FBXL8: variants seen among roughly 807,000 people sequenced by gnomAD.
FBXL8 encodes the protein F-box/LRR-repeat protein 8.
FBXL8 carries 13 observed loss-of-function variants against 8.2 expected under a neutral mutation model. That is an observed-to-expected ratio of 1.58 (90% CI 1.03 to 2.51). The LOEUF (loss-of-function observed/expected upper bound fraction) is 2.51. Ranked by LOEUF, FBXL8 falls within the 30% of genes most tolerant of loss-of-function variation. FBXL8 has a pLI of 0.00. For missense variants in FBXL8, 565 were observed against 540.4 expected (o/e 1.05, Z -0.45); for synonymous variants, 271 against 260.5 (o/e 1.04, Z -0.39).
intron 1 of FBXL8, among the ~76,000 whole-genome samples, chr16:67,161,403 A>T (rs551877136): frequency 6.6e-6 from 1 of 151,214 alleles, no homozygotes; most frequent in African/African-American, 2.4e-5. Flanking sequence ...TGATTGCGCC[A>T]CTGCACTCCA....
In FBXL8 at chr16:67,162,498, A is replaced by G. The variant is rs777355534; in HGVS notation, c.153-350A>G. The G allele has an allele frequency of 4.2e-4, 280 of 673,496 alleles. 1 individual carries two copies. Among genetic ancestry groups the G allele is most frequent in the Non-Finnish European group, 6.7e-4 (246 of 367,996 alleles). The allele number at this position is 673,496 out of a possible 1,614,324, so 41.7% of individuals were successfully genotyped here. A position where few individuals can be genotyped will look rare whatever the true frequency, so the allele number is the denominator to read the frequency against. ...TAGGAAACTGAGGCAAAGAGACTTAATCACTTCCCACGGGTCACTCAGCTA... is the reference window on the plus strand; with the variant it reads ...TAGGAAACTGAGGCAAAGAGACTTAGTCACTTCCCACGGGTCACTCAGCTA... On this transcript the variant is annotated intron_variant, in intron 2 of 2. Coordinates refer to ENST00000258200, the MANE Select transcript of FBXL8 (RefSeq NM_018378.3).
At chr16:67,162,527 A>G (rs920115225) in intron 2 of FBXL8, 1 of 696,702 alleles carries the variant, frequency 1.4e-6, no homozygotes, top group Non-Finnish European at 2.6e-6. Flanking sequence ...TCAGCTAGGG[A>G]ATGGCAGAGG....
In FBXL8 at chr16:67,163,837, C is replaced by A; in HGVS notation, c.*17C>A. On this transcript the variant is annotated 3_prime_UTR_variant, in exon 3 of 3. Transcript: ENST00000258200. ...GTGGCGTGATTGGGCGACTTCTCTC[C>A]CCCGTCCCCGTGGACGTAAGCGCTC... 6.5e-7 allele frequency: 1 copy of A among 1,530,752 alleles called. No individual in the cohort carries two copies. The highest frequency in any genetic ancestry group is 1.4e-5 in the African/African-American group (1 of 72,162). The allele number at this position is 1,530,752 out of a possible 1,614,324, so 94.8% of individuals were successfully genotyped here.
Position 67,163,051 on chromosome 16 carries a change from C to T in FBXL8, c.356C>T (p.Ala119Val). Residue 119 changes from alanine to valine, a missense_variant, in exon 3 of 3, where the codon GCG (alanine) becomes GTG (valine). Ala to Val is a moderately conservative substitution (Grantham distance 64). Transcript: ENST00000258200. Reference protein sequence around the residue: ...ECRGEKPLFDAGRDVLEAVHA... With the variant: ...ECRGEKPLFDVGRDVLEAVHA... ...CGCGGAGAAAAACCGCTCTTCGACG[C>T]GGGCCGCGACGTCCTGGAGGCTGTG... The T allele has an allele frequency of 6.4e-7, 1 of 1,569,752 alleles. No individual in the cohort carries two copies. The highest frequency in any genetic ancestry group is 1.2e-5 in the South Asian group (1 of 85,766).
intron 2 of FBXL8, 116 bp from the exon 3 acceptor site, chr16:67,162,732 G>A: frequency 3.6e-6 from 5 of 1,391,494 alleles, no homozygotes; most frequent in Non-Finnish European, 5.0e-6. Flanking sequence ...CAGAGACGTG[G>A]GGAGGGAGGC....
At chr16:67,160,180 C>T (rs2145911191) in intron 1 of FBXL8, 124 bp downstream of exon 1, 1 of 152,274 alleles carries the variant, frequency 6.6e-6, no homozygotes. Context: ...AGGGGGCGCC[C>T]CCTGGAGACC....
chr16:67,162,670 TA>T, intron 2 of FBXL8, 177 bp from the exon 3 acceptor site: 2 of 855,160 alleles, frequency 2.3e-6, no homozygotes, highest in Non-Finnish European at 3.8e-6. Flanking sequence ...TGAAATCTTC[TA>T]AAAGGATAGG....
At chr16:67,162,669 C>T (rs1223103295) in intron 2 of FBXL8, 179 bp from the exon 3 acceptor site, 10 of 848,766 alleles carry the variant, frequency 1.2e-5, no homozygotes, top group Non-Finnish European at 1.9e-5. Flanking sequence ...CTGAAATCTT[C>T]TAAAAGGATA....
At chr16:67,160,953 T>G (rs1004727763) in intron 1 of FBXL8, among the ~76,000 whole-genome samples, 10 of 151,812 alleles carry the variant, frequency 6.6e-5, no homozygotes, top group Non-Finnish European at 1.5e-4. Context: ...GGGGCTGTCT[T>G]AGGAAGCACC....
chr16:67,163,169 G>A lies in FBXL8; in HGVS notation c.474G>A (p.Ala158=), dbSNP rs2030985838. 6.4e-7 allele frequency: 1 copy of A among 1,563,140 alleles called. No individual in the cohort carries two copies. Among genetic ancestry groups the A allele is most frequent in the Non-Finnish European group, 8.7e-7 (1 of 1,155,196 alleles). Reference sequence around the variant, plus strand: ...ACGACGCGCTGGTGCTGCAGGCGGCGCGCAGCTGTCCCGAGCTCCACAGCC... The same window carrying A: ...ACGACGCGCTGGTGCTGCAGGCGGCACGCAGCTGTCCCGAGCTCCACAGCC... The part of the protein sequence containing the change: ...TLDDALVLQA[A]RSCPELHSLF... Residue 158 remains alanine (A), a synonymous_variant, in exon 3 of 3, where the codon GCG becomes GCA. Transcript: ENST00000258200.
chr16:67,161,848 CCT>C lies in FBXL8; in HGVS notation c.64_65del (p.Leu22GlufsTer33). On this transcript the variant is annotated frameshift_variant, in exon 2 of 3. Transcript: ENST00000258200. LOFTEE classifies it high-confidence loss of function. The stretch of plus-strand genomic sequence containing the variant: ...TGGCACTCATCTTCCGCCACCTGTC[CCT>C]GAGAGACCGTGCTGCCGCCGCCAGG... Reference protein sequence around the residue: ...VLALIFRHLSLRDRAAAARVC... With the variant: ...VLALIFRHLSXRDRAAAARVC... 1.9e-6 allele frequency: 3 copies of C among 1,610,958 alleles called. No homozygotes were observed. The highest frequency in any genetic ancestry group is 2.5e-6 in the Non-Finnish European group (3 of 1,178,918).
rs771032736 is a variant in FBXL8 at position 67,163,267 on chromosome 16, C to T, written c.572C>T (p.Pro191Leu). 1 of 1,568,148 alleles carries T rather than the reference C, an allele frequency of 6.4e-7. No homozygotes were observed. The highest frequency in any genetic ancestry group is 1.2e-5 in the South Asian group (1 of 86,382). The change falls in exon 3 of 3, where the codon CCG (proline) becomes CTG (leucine). Residue 191 changes from proline to leucine, a missense_variant. Physicochemically the swap from Pro to Leu is moderately conservative, Grantham distance 98 (BLOSUM62 -3). Transcript: ENST00000258200. ...GTGCTCGAGCTACTGGAGGCCTGCC[C>T]GCGCCTGCGCGCTCTCGGCCTGCAC... ...GSVLELLEAC[P>L]RLRALGLHLA...
intron 2 of FBXL8, 66 bp from the exon 3 acceptor site, chr16:67,162,782 G>A (rs1450048747): frequency 6.5e-7 from 1 of 1,547,228 alleles, no homozygotes; most frequent in African/African-American, 1.4e-5. Flanking sequence ...CTAAGGGGTG[G>A]GTAGAGGCTT....
Position 67,163,412 on chromosome 16 carries a change from C to A in FBXL8, c.717C>A (p.Asn239Lys), listed in dbSNP as rs748749424. ...ATGCACGCGCGTCCCCGCTGCCCAACGAAGCCTGGGTCGCGTTGCGCCGCC... is the reference window on the plus strand; with the variant it reads ...ATGCACGCGCGTCCCCGCTGCCCAAAGAAGCCTGGGTCGCGTTGCGCCGCC... Reference protein sequence around the residue: ...PEDARASPLPNEAWVALRRRH... With the variant: ...PEDARASPLPKEAWVALRRRH... The change falls in exon 3 of 3, where the codon AAC becomes AAA. Residue 239 changes from asparagine to lysine, a missense_variant. Asn to Lys is a moderately conservative substitution (Grantham distance 94). Transcript: ENST00000258200. 1.4e-5 allele frequency: 21 copies of A among 1,537,318 alleles called. No individual in the cohort carries two copies. The highest frequency in any genetic ancestry group is 1.7e-5 in the Non-Finnish European group (19 of 1,147,276).
rs551094669 is a variant in FBXL8, at chr16:67,162,984, G to T, written c.289G>T (p.Ala97Ser). Residue 97 changes from alanine (A) to serine (S), a missense_variant, in exon 3 of 3, where the codon GCG (alanine) becomes TCG (serine). By Grantham distance (99) the Ala-to-Ser change is moderately conservative. Coordinates refer to ENST00000258200, the MANE Select transcript of FBXL8 (RefSeq NM_018378.3). The stretch of plus-strand genomic sequence containing the variant: ...GGCCATCGAGCTGCTGATGGTTCTG[G>T]CGGGCCGTGCCCCGGGGCTGCGAGG... The part of the protein sequence containing the change: ...RAAIELLMVL[A>S]GRAPGLRGLR... The T allele has an allele frequency of 6.4e-7, 1 of 1,558,954 alleles. No homozygotes were observed. The highest frequency in any genetic ancestry group is 8.7e-7 in the Non-Finnish European group (1 of 1,151,598).
intron 2 of FBXL8, chr16:67,162,189 C>T: frequency 4.8e-6 from 2 of 415,426 alleles, no homozygotes; most frequent in South Asian, 7.4e-5. Context: ...ACTAGCCGGG[C>T]ATGGTGGTGG....
At position 67,162,875 on chromosome 16, in the gene FBXL8, G is replaced by A. The variant is rs1284410951; in HGVS notation, c.180G>A (p.Leu60=). ...GCGAATGTGAGCTGGAAGGCATGCT[G>A]CCACCTTATCTGTCCGCCTGCCTCG... The part of the protein sequence containing the change: ...ISCECELEGM[L]PPYLSACLDH... Residue 60 remains leucine, a synonymous_variant, in exon 3 of 3, where the codon CTG becomes CTA. Transcript: ENST00000258200. The A allele has an allele frequency of 1.9e-6, 3 of 1,551,484 alleles. No individual in the cohort carries two copies. In the South Asian group the frequency reaches 3.6e-5, roughly 18 times the overall value.
chr16:67,163,309 A>C lies in FBXL8; in HGVS notation c.614A>C (p.His205Pro). The C allele has an allele frequency of 6.3e-7, 1 of 1,575,724 alleles. No homozygotes were observed. The highest frequency in any genetic ancestry group is 8.6e-7 in the Non-Finnish European group (1 of 1,163,536). ...ALGLHLASLS[H>P]AILEALAAPD... ...GGCCTGCACCTAGCCAGTTTGTCGC[A>C]CGCCATCCTCGAAGCACTGGCGGCG... The change falls in exon 3 of 3, where the codon CAC becomes CCC. Residue 205 changes from histidine to proline, a missense_variant. By Grantham distance (77) the His-to-Pro change is moderately conservative (BLOSUM62 -2). Transcript: ENST00000258200.
intron 2 of FBXL8, chr16:67,162,640 C>T (rs1440073155): frequency 1.3e-6 from 1 of 745,316 alleles, no homozygotes; most frequent in South Asian, 1.5e-5. Flanking sequence ...GTCCAGGTTT[C>T]ATCCTGTGGC....
Sources: allele counts gnomAD v4.1 joint callset (sites outside exome capture counted in the v4.1 genomes callset), GRCh38; gene constraint gnomAD v4.1.1; transcripts MANE v1.5; gene names NCBI Gene and HGNC (gene_info 2026-07-23, HGNC 2026-07-21).